ADAMTS10: variants seen among roughly 807,000 people sequenced by gnomAD.
ADAMTS10 encodes the protein ADAM metallopeptidase with thrombospondin type 1 motif 10.
In ADAMTS10, 48 loss-of-function variants were observed where a neutral mutation model predicts 135.9. The ratio of observed to expected loss-of-function variants is 0.35; its 90% CI spans 0.28 to 0.45. The LOEUF is 0.45. Among genes scored for constraint, ADAMTS10 ranks in the 20% least tolerant of loss-of-function variants. ADAMTS10 has a pLI of 1.00. For missense variants in ADAMTS10, 1,131 were observed against 1,565.2 expected (o/e 0.72, Z 4.68); for synonymous variants, 621 against 647.5 (o/e 0.96, Z 0.62).
intron 22 of ADAMTS10, 70 bp from the exon 23 acceptor site, chr19:8,585,730 A>G (rs2146040595): frequency 6.9e-7 from 1 of 1,457,926 alleles, no homozygotes; most frequent in African/African-American, 1.4e-5. Flanking sequence ...AGGGGGCACT[A>G]TAGCCTACCC....
Position 8,601,062 on chromosome 19 carries a change from G to T in ADAMTS10, c.676C>A (p.Arg226Ser). Residue 226 changes from arginine to serine, a missense_variant, in exon 6 of 26, where the codon CGT becomes AGT. Arg to Ser is a moderately radical substitution (Grantham distance 110). Around this residue, in one of 3 missense-constraint regions of ADAMTS10, gnomAD observed 306 missense variants for 344.4 expected, o/e 0.89. Coordinates refer to ENST00000597188, the MANE Select transcript of ADAMTS10 (RefSeq NM_030957.4). This position sits in a 1 kb window ranked among gnomAD's most constrained non-coding sequence, Gnocchi z 4.6. ...GATCGCTTCAGGCCTGGCTGGCCAC[G>T]CTCTGTTTCATTCCCCAGGGGCCTG... ...PARPLGNETE[R>S]GQPGLKRSVS... 1 of 1,614,090 alleles carries T rather than the reference G, an allele frequency of 6.2e-7. No individual in the cohort carries two copies. Among genetic ancestry groups the T allele is most frequent in the Non-Finnish European group, 8.5e-7 (1 of 1,180,034 alleles).
intron 2 of ADAMTS10, among the ~76,000 whole-genome samples, chr19:8,607,571 TC>T (rs2042734324): frequency 1.3e-5 from 2 of 152,108 alleles, no homozygotes; most frequent in African/African-American, 4.8e-5. Context: ...AGTCTTGTTT[TC>T]TTTGCAGCCC....
At chr19:8,610,422 G>GACACACAC (rs111492620) in intron 1 of ADAMTS10, among the ~76,000 whole-genome samples, 21,242 of 145,478 alleles carry the variant, frequency 0.15, 1,774 homozygotes, top group Middle Eastern at 0.22. Context: ...TACGTGGACG[G>GACACACAC]ACACACACAC....
At position 8,586,600 on chromosome 19, in the gene ADAMTS10, G is replaced by A. The variant is rs1555737301; in HGVS notation, c.2361C>T (p.Ser787=). 2 of 1,614,008 alleles carry A rather than the reference G, an allele frequency of 1.2e-6. No individual in the cohort carries two copies. The highest frequency in any genetic ancestry group is 1.7e-6 in the Non-Finnish European group (2 of 1,180,014). Residue 787 remains serine (S), a synonymous_variant, in exon 20 of 26, where the codon AGC becomes AGT. Transcript: ENST00000597188. The part of the protein sequence containing the change: ...QLRQGPDQVQ[S]LEALGPINAS... ...CATTAATCGGTCCCAGGGCTTCGAG[G>A]CTCTGGACCTGGTCTGGCCCCTGTC...
intron 19 of ADAMTS10, 43 bp downstream of exon 19, chr19:8,586,773 C>T (rs1555737364): frequency 1.9e-6 from 3 of 1,613,938 alleles, no homozygotes; most frequent in Non-Finnish European, 2.5e-6. Flanking sequence ...ACCGCCCTCC[C>T]CACTGACCCC....
At position 8,583,663 on chromosome 19, in the gene ADAMTS10, A is replaced by G. The variant is rs373845390; in HGVS notation, c.3202+1232T>C. 5.9e-5 allele frequency among the ~76,000 whole-genome samples: 9 copies of G among 151,836 alleles called. No homozygotes were observed. In the South Asian group the frequency reaches 1.0e-3, roughly 18 times the overall value. On this transcript the variant is annotated intron_variant, in intron 25 of 25. Coordinates refer to ENST00000597188, the MANE Select transcript of ADAMTS10 (RefSeq NM_030957.4). ...GGAGTTCAAGACCAGCCTGGGCTAC[A>G]TAGAAAAACCCCGTCTCTATCAAAG... is the stretch of plus-strand genomic sequence containing the variant.
Position 8,605,821 on chromosome 19 carries a change from G to T in ADAMTS10, c.-99-12C>A, listed in dbSNP as rs1370536759. 8.2e-5 allele frequency: 124 copies of T among 1,507,972 alleles called. No homozygotes were observed. The highest frequency in any genetic ancestry group is 8.8e-6 in the Non-Finnish European group (10 of 1,130,966). The allele number at this position is 1,507,972 out of a possible 1,614,324, so 93.4% of individuals were successfully genotyped here. A position where few individuals can be genotyped will look rare whatever the true frequency, so the allele number is the denominator to read the frequency against. Reference sequence around the variant, plus strand: ...GCATCACCGGGCTCCTGGGAGGGGGGAGCCAGGTAAGGGGGCGCCTGGTCC... The same window carrying T: ...GCATCACCGGGCTCCTGGGAGGGGGTAGCCAGGTAAGGGGGCGCCTGGTCC... On this transcript the variant is annotated splice_polypyrimidine_tract_variant and intron_variant, in intron 2 of 25. Coordinates refer to ENST00000597188, the MANE Select transcript of ADAMTS10 (RefSeq NM_030957.4). This position sits in a 1 kb window ranked among gnomAD's most constrained non-coding sequence, Gnocchi z 7.7.
intron 12 of ADAMTS10, among the ~76,000 whole-genome samples, chr19:8,594,235 CCCCTCT>C (rs1555739740): frequency 6.6e-6 from 1 of 152,186 alleles, no homozygotes; most frequent in African/African-American, 2.4e-5. Context: ...CAATATATTT[CCCCTCT>C]CTGGGCCTCA....
chr19:8,591,930 C>G, intron 14 of ADAMTS10, 28 bp downstream of exon 14: 1 of 1,611,676 alleles, frequency 6.2e-7, no homozygotes, highest in Non-Finnish European at 8.5e-7. Context: ...TCGCGCTGCC[C>G]TCCCGGGTGG....
chr19:8,590,175 C>T (rs2042504262), intron 15 of ADAMTS10, among the ~76,000 whole-genome samples, 184 bp from the exon 16 acceptor site: 1 of 152,092 alleles, frequency 6.6e-6, no homozygotes, highest in Non-Finnish European at 1.5e-5. Flanking sequence ...GTAGACACAT[C>T]TGGGATAGGA....
At position 8,605,687 on chromosome 19, in the gene ADAMTS10, G is replaced by A. The variant is rs1555742491; in HGVS notation, c.24C>T (p.Leu8=). The change falls in exon 3 of 26, where the codon CTC becomes CTT. Residue 8 remains leucine, a synonymous_variant. Transcript: ENST00000597188. The surrounding 1 kb of genome is among the most constrained non-coding windows in gnomAD (Gnocchi z 7.7). MAPACQI[L]RWALALGLGL... is the part of the protein sequence containing the mutation. ...CCAGCCCCAGGGCGAGGGCCCAGCG[G>A]AGGATCTGGCAGGCGGGAGCCATAG... is the stretch of plus-strand genomic sequence containing the variant. The A allele has an allele frequency of 6.2e-7, 1 of 1,612,162 alleles. No homozygotes were observed. The highest frequency in any genetic ancestry group is 8.5e-7 in the Non-Finnish European group (1 of 1,179,690).
intron 2 of ADAMTS10, among the ~76,000 whole-genome samples, chr19:8,606,040 C>G (rs1188708558): frequency 3.9e-5 from 6 of 152,176 alleles, no homozygotes; most frequent in Non-Finnish European, 8.8e-5. Flanking sequence ...AGCTACTGGC[C>G]CTAGTTTTCA....
Position 8,595,892 on chromosome 19 carries a change from C to T in ADAMTS10, c.1349G>A (p.Gly450Glu). ...YITSFLDSGLGLCLNNRPPRQ... is the reference protein window; with the variant it reads ...YITSFLDSGLELCLNNRPPRQ... Reference sequence around the variant, plus strand: ...GGGGGGCCGGTTGTTCAGGCAGAGCCCCAGGCCCGAGCTGCCTCGAGAGAA... The same window carrying T: ...GGGGGGCCGGTTGTTCAGGCAGAGCTCCAGGCCCGAGCTGCCTCGAGAGAA... The change falls in exon 12 of 26, where the codon GGG (glycine) becomes GAG (glutamate). Residue 450 changes from glycine to glutamate, a missense_variant. Physicochemically the swap from Gly to Glu is moderately conservative, Grantham distance 98. Around this residue, in one of 3 missense-constraint regions of ADAMTS10, gnomAD observed 745 missense variants for 1,056.3 expected, o/e 0.71. Transcript: ENST00000597188. The T allele has an allele frequency of 6.2e-7, 1 of 1,614,172 alleles. No individual in the cohort carries two copies. Among genetic ancestry groups the T allele is most frequent in the Non-Finnish European group, 8.5e-7 (1 of 1,180,024 alleles).
rs781952669 is a variant in ADAMTS10, at chr19:8,592,738, G to A, written c.1587+25C>T. ...GAGGTGGCTCAGGGGGCGTGGCCCAGTTGGGGGCCCTGGCCGGCGCTCACC... is the reference window on the plus strand; with the variant it reads ...GAGGTGGCTCAGGGGGCGTGGCCCAATTGGGGGCCCTGGCCGGCGCTCACC... On this transcript the variant is annotated intron_variant, in intron 13 of 25. Transcript: ENST00000597188. 3.1e-6 allele frequency: 5 copies of A among 1,599,198 alleles called. No individual in the cohort carries two copies. In the South Asian group the frequency reaches 4.5e-5, roughly 14 times the overall value.
intron 12 of ADAMTS10, 32 bp downstream of exon 12, chr19:8,595,730 C>CCCCCG: frequency 6.3e-7 from 1 of 1,592,126 alleles, no homozygotes. Flanking sequence ...CCCCTCCCCT[C>CCCCCG]CCAGGAAGGA....
chr19:8,607,353 T>C (rs2042732029), intron 2 of ADAMTS10, among the ~76,000 whole-genome samples: 1 of 152,118 alleles, frequency 6.6e-6, no homozygotes. Flanking sequence ...AGGCCTCTCC[T>C]CCACCCTGTG....
chr19:8,598,881 C>T (rs1412614910), intron 6 of ADAMTS10, among the ~76,000 whole-genome samples: 3 of 151,294 alleles, frequency 2.0e-5, no homozygotes, highest in Non-Finnish European at 4.4e-5. Context: ...GGCTGGAAAC[C>T]CCCAGGAAAT....
chr19:8,595,641 A>C, intron 12 of ADAMTS10, 121 bp downstream of exon 12: 2 of 1,479,716 alleles, frequency 1.4e-6, no homozygotes, highest in African/African-American at 2.8e-5. Context: ...GGCTCACCTC[A>C]CCCCCCTTCC....
Position 8,589,593 on chromosome 19 carries a change from G to A in ADAMTS10, c.1901-8C>T, listed in dbSNP as rs74630364. 112 of 1,613,034 alleles carry A rather than the reference G, an allele frequency of 6.9e-5. No individual in the cohort carries two copies. The highest frequency in any genetic ancestry group is 9.1e-5 in the Non-Finnish European group (107 of 1,179,932). ...AGCAGGCCTTCACGCCCCCTGGGGG[G>A]CACGGCCCCGTCACACCACGGGCCA... is the stretch of plus-strand genomic sequence containing the variant. On this transcript the variant is annotated splice_region_variant and splice_polypyrimidine_tract_variant and intron_variant, in intron 16 of 25. Coordinates refer to ENST00000597188, the MANE Select transcript of ADAMTS10 (RefSeq NM_030957.4).
Sources: gnomAD v4.1 joint callset for allele counts (sites outside exome capture counted in the v4.1 genomes callset) on GRCh38, gnomAD v4.1.1 for gene constraint, gnomAD v4.1.1 regional missense constraint, Gnocchi (gnomAD v3.1) non-coding constraint, MANE v1.5 for transcripts, NCBI Gene and HGNC (gene_info 2026-07-23, HGNC 2026-07-21) for gene names.